The following ALX1 variants were observed in gnomAD, a reference collection of about 807,000 sequenced individuals.
ALX1 encodes ALX homeobox 1.
Under a neutral mutation model 31.7 loss-of-function variants are expected in ALX1, and 19 were observed. The observed-to-expected ratio is 0.60, with a 90% confidence interval of 0.42 to 0.88. ALX1 has a LOEUF of 0.88. Among genes scored for constraint, ALX1 ranks in the 40% least tolerant of loss-of-function variants. The pLI is 0.00. For synonymous variants in ALX1, 153 were observed against 148.8 expected, an observed-to-expected ratio of 1.03 and a Z score of -0.20; for missense variants, 415 against 407.8, an observed-to-expected ratio of 1.02 and a Z score of -0.15.
At chr12:85,299,522 G>A (rs1443806294) in intron 3 of ALX1, among the ~76,000 whole-genome samples, 1 of 151,404 alleles carries the variant, frequency 6.6e-6, no homozygotes, top group Non-Finnish European at 1.5e-5. Flanking sequence ...TTCTACATAT[G>A]TATATATTTA....
At position 85,283,624 on chromosome 12, in the gene ALX1, T is replaced by C. The variant is rs775792750; in HGVS notation, c.279T>C (p.Asn93=). The part of the protein sequence containing the change: ...VEGQPLHTEL[N]RAMDNCNSLR... Reference sequence around the variant, plus strand: ...GACAGCCCCTTCACACCGAACTGAATAGAGCTATGGACAACTGTAACAGTC... The same window carrying C: ...GACAGCCCCTTCACACCGAACTGAACAGAGCTATGGACAACTGTAACAGTC... Residue 93 remains asparagine, a synonymous_variant, in exon 2 of 4, where the codon AAT becomes AAC. Transcript: ENST00000316824. The C allele has an allele frequency of 1.2e-6, 2 of 1,613,920 alleles. No homozygotes were observed. The highest frequency in any genetic ancestry group is 4.5e-5 in the East Asian group (2 of 44,886).
Position 85,301,242 on chromosome 12 carries a change from A to G in ALX1, c.748A>G (p.Thr250Ala), listed in dbSNP as rs1309522063. ...MLPRDTSSCM[T>A]PYSHSPRTDS... ...ACCACGTGACACTTCCTCCTGTATG[A>G]CACCTTATTCTCACTCGCCTCGGAC... Residue 250 changes from threonine to alanine, a missense_variant, in exon 4 of 4, where the codon ACA (threonine) becomes GCA (alanine). Around this residue, in one of 3 missense-constraint regions of ALX1, gnomAD observed 174 missense variants for 177.5 expected, o/e 0.98. Transcript: ENST00000316824. The G allele has an allele frequency of 1.9e-6, 3 of 1,614,018 alleles. No homozygotes were observed. Among genetic ancestry groups the G allele is most frequent in the Non-Finnish European group, 2.5e-6 (3 of 1,179,956 alleles).
intron 3 of ALX1, 140 bp downstream of exon 3, chr12:85,287,121 C>A: frequency 1.0e-6 from 1 of 980,888 alleles, no homozygotes; most frequent in Non-Finnish European, 1.5e-6. Context: ...TTCTTCATGT[C>A]TGCTAAGTTT....
rs190803340 is a variant in ALX1, at chr12:85,297,356, C to T, written c.661-3799C>T. 3.3e-5 allele frequency among the ~76,000 whole-genome samples: 5 copies of T among 151,642 alleles called. No homozygotes were observed. The East Asian group carries it at 9.7e-4, about 29-fold the overall frequency. ...TCTGAATGATACAGTGTCTAGAAAC[C>T]AAGTCATATGAGGAATGGTTAAAAG... is the stretch of plus-strand genomic sequence containing the variant. On this transcript the variant is annotated intron_variant, in intron 3 of 3. Transcript: ENST00000316824.
At chr12:85,300,192 T>C (rs1361220906) in intron 3 of ALX1, among the ~76,000 whole-genome samples, 3 of 152,038 alleles carry the variant, frequency 2.0e-5, no homozygotes, top group Admixed American at 1.3e-4. Context: ...ATGTCCTACT[T>C]AAAATTCATG....
chr12:85,281,582 G>GT (rs1005545210), intron 1 of ALX1, among the ~76,000 whole-genome samples: 2 of 152,174 alleles, frequency 1.3e-5, no homozygotes, highest in East Asian at 1.9e-4. Context: ...TTGAACACAA[G>GT]TTTTTTTCTT....
chr12:85,299,450 CAT>C (rs1235424280), intron 3 of ALX1, among the ~76,000 whole-genome samples: 2 of 150,632 alleles, frequency 1.3e-5, no homozygotes, highest in South Asian at 2.1e-4. Context: ...ATATGCAAAT[CAT>C]ATATATATAT....
intron 3 of ALX1, among the ~76,000 whole-genome samples, chr12:85,296,939 T>G (rs1157375169): frequency 2.0e-5 from 3 of 151,680 alleles, no homozygotes; most frequent in Admixed American, 6.6e-5. Flanking sequence ...CTTCCAAAAT[T>G]GAACCACCAA....
At chr12:85,285,513 T>A (rs1486890927) in intron 2 of ALX1, among the ~76,000 whole-genome samples, 2 of 152,032 alleles carry the variant, frequency 1.3e-5, no homozygotes, top group African/African-American at 4.8e-5. Context: ...TTATCAGCAG[T>A]GTACTAAAAC....
intron 1 of ALX1, among the ~76,000 whole-genome samples, chr12:85,282,996 GAA>G (rs1228716847): frequency 6.6e-6 from 1 of 152,000 alleles, no homozygotes; most frequent in East Asian, 1.9e-4. Context: ...TATTTTTGAA[GAA>G]AAAGTGTAAA....
chr12:85,285,618 G>A (rs1054147324), intron 2 of ALX1, among the ~76,000 whole-genome samples: 1 of 151,868 alleles, frequency 6.6e-6, no homozygotes, highest in Non-Finnish European at 1.5e-5. Flanking sequence ...AAATTAAACT[G>A]AGTATTAATA....
At chr12:85,296,927 TA>T (rs1896897402) in intron 3 of ALX1, among the ~76,000 whole-genome samples, 1 of 148,972 alleles carries the variant, frequency 6.7e-6, no homozygotes, top group South Asian at 2.1e-4. Flanking sequence ...AATATTTTTT[TA>T]CTTCCAAAAT....
intron 2 of ALX1, 105 bp downstream of exon 2, chr12:85,283,981 C>A: frequency 1.6e-6 from 2 of 1,278,722 alleles, no homozygotes; most frequent in Non-Finnish European, 2.3e-6. Context: ...GATTCCCTAG[C>A]TGAAGATGAG....
intron 3 of ALX1, among the ~76,000 whole-genome samples, chr12:85,295,439 G>C (rs1410885160): frequency 1.3e-5 from 2 of 151,496 alleles, no homozygotes; most frequent in African/African-American, 4.8e-5. Context: ...TCATTTTTAA[G>C]AGAACATGTA....
At position 85,286,897 on chromosome 12, in the gene ALX1, T is replaced by C. The variant is rs140886664; in HGVS notation, c.576T>C (p.Arg192=). ...GGGCCAAATGGAGAAAAAGGGAACG[T>C]TATGGCCAAATACAACAAGCGAAAA... ...NRRAKWRKRE[R]YGQIQQAKSH... is the part of the protein sequence containing the mutation. The change falls in exon 3 of 4, where the codon CGT becomes CGC. Residue 192 remains arginine (R), a synonymous_variant. Coordinates refer to ENST00000316824, the MANE Select transcript of ALX1 (RefSeq NM_006982.3). 5.0e-6 allele frequency: 8 copies of C among 1,611,944 alleles called. No individual in the cohort carries two copies. The highest frequency in any genetic ancestry group is 6.8e-6 in the Non-Finnish European group (8 of 1,178,520).
chr12:85,301,008 T>C, intron 3 of ALX1, 147 bp from the exon 4 acceptor site: 1 of 748,798 alleles, frequency 1.3e-6, no homozygotes, highest in South Asian at 1.8e-5. Context: ...GTAATTATTT[T>C]TTAGTCATTG....
In ALX1 at chr12:85,280,235, G is replaced by A; in HGVS notation, c.-27G>A. 3.2e-6 allele frequency: 5 copies of A among 1,582,306 alleles called. No individual in the cohort carries two copies. Among genetic ancestry groups the A allele is most frequent in the Non-Finnish European group, 4.3e-6 (5 of 1,160,172 alleles). ...AGCGCTCTCCAGTTTCTGTGCCCCAGGAGCTACGCGACAGTCTTCCAGGAT... is the reference window on the plus strand; with the variant it reads ...AGCGCTCTCCAGTTTCTGTGCCCCAAGAGCTACGCGACAGTCTTCCAGGAT... On this transcript the variant is annotated 5_prime_UTR_variant, in exon 1 of 4. Coordinates refer to ENST00000316824, the MANE Select transcript of ALX1 (RefSeq NM_006982.3).
rs201582242 is a variant in ALX1 at position 85,301,419 on chromosome 12, G to A, written c.925G>A (p.Ala309Thr). The A allele has an allele frequency of 1.9e-6, 3 of 1,613,922 alleles. No individual in the cohort carries two copies. Among genetic ancestry groups the A allele is most frequent in the East Asian group, 2.2e-5 (1 of 44,888 alleles). Reference sequence around the variant, plus strand: ...GTTTGAAAGGAGGTCTTCCAGTATCGCAGTTCTTCGAATGAAAGCCAAGGA... The same window carrying A: ...GTTTGAAAGGAGGTCTTCCAGTATCACAGTTCTTCGAATGAAAGCCAAGGA... ...PEFERRSSSI[A>T]VLRMKAKEHT... is the part of the protein sequence containing the mutation. The change falls in exon 4 of 4, where the codon GCA becomes ACA. Residue 309 changes from alanine to threonine, a missense_variant. Around this residue, in one of 3 missense-constraint regions of ALX1, gnomAD observed 174 missense variants for 177.5 expected, o/e 0.98. Coordinates refer to ENST00000316824, the MANE Select transcript of ALX1 (RefSeq NM_006982.3).
chr12:85,287,938 C>T (rs1896770634), intron 3 of ALX1, among the ~76,000 whole-genome samples: 1 of 151,434 alleles, frequency 6.6e-6, no homozygotes, highest in Non-Finnish European at 1.5e-5. Flanking sequence ...GATCTGAACC[C>T]CAAACTTGAG....
Sources: allele counts gnomAD v4.1 joint callset (sites outside exome capture counted in the v4.1 genomes callset), GRCh38; gene constraint gnomAD v4.1.1; regional missense constraint gnomAD v4.1.1; transcripts MANE v1.5; gene names NCBI Gene and HGNC (gene_info 2026-07-23, HGNC 2026-07-21).